CRTAC1: variants seen among roughly 807,000 people sequenced by gnomAD.
CRTAC1 encodes the protein cartilage acidic protein 1.
A neutral mutation model predicts 67.8 loss-of-function variants in CRTAC1; 37 were observed. The observed-to-expected ratio is 0.55, with a 90% confidence interval of 0.42 to 0.72. The LOEUF is 0.72. Ranked by LOEUF, CRTAC1 falls within the 30% of genes least tolerant of loss-of-function variation. CRTAC1 has a pLI of 0.00. For missense variants in CRTAC1, 780 were observed against 931.6 expected, an observed-to-expected ratio of 0.84 and a Z score of 2.12; for synonymous variants, 348 against 371.0, an observed-to-expected ratio of 0.94 and a Z score of 0.71.
At chr10:97,888,219 C>T (rs1173409486) in intron 11 of CRTAC1, among the ~76,000 whole-genome samples, 1 of 152,090 alleles carries the variant, frequency 6.6e-6, no homozygotes. Flanking sequence ...CCCATGGGAG[C>T]GATGAATACA....
intron 5 of CRTAC1, among the ~76,000 whole-genome samples, chr10:97,911,068 T>G (rs899998281): frequency 6.6e-6 from 1 of 152,212 alleles, no homozygotes; most frequent in African/African-American, 2.4e-5. Flanking sequence ...GGGCACCACC[T>G]CTGCCCATTA....
At chr10:97,914,460 C>T (rs2050731170) in intron 5 of CRTAC1, among the ~76,000 whole-genome samples, 1 of 152,226 alleles carries the variant, frequency 6.6e-6, no homozygotes, top group African/African-American at 2.4e-5. Flanking sequence ...GTTCTCACAA[C>T]ACTCTCATTT....
intron 2 of CRTAC1, among the ~76,000 whole-genome samples, chr10:97,942,336 A>G (rs917364855): frequency 6.6e-6 from 1 of 152,194 alleles, no homozygotes; most frequent in Non-Finnish European, 1.5e-5. Context: ...AGGTACAAAG[A>G]GCTGAACAAA....
chr10:97,962,961 A>C (rs577306526), intron 2 of CRTAC1, among the ~76,000 whole-genome samples: 1 of 152,260 alleles, frequency 6.6e-6, no homozygotes, highest in South Asian at 2.1e-4. Flanking sequence ...CTGCACTGAG[A>C]AACCCAGTCC....
At chr10:97,997,268 T>C (rs1053163900) in intron 2 of CRTAC1, among the ~76,000 whole-genome samples, 1 of 128,600 alleles carries the variant, frequency 7.8e-6, no homozygotes, top group Non-Finnish European at 1.7e-5. Context: ...ATAATAATAA[T>C]AAATAAAATA....
chr10:97,927,513 A>C (rs2050939172), intron 3 of CRTAC1, among the ~76,000 whole-genome samples: 1 of 152,182 alleles, frequency 6.6e-6, no homozygotes, highest in Admixed American at 6.5e-5. Flanking sequence ...TGCCATCCTA[A>C]GCTGCTGATG....
intron 3 of CRTAC1, among the ~76,000 whole-genome samples, chr10:97,928,874 T>C (rs1409559042): frequency 6.6e-6 from 1 of 152,052 alleles, no homozygotes; most frequent in African/African-American, 2.4e-5. Context: ...ATTCCAGGAC[T>C]GAGGGCAAAG....
chr10:97,956,488 T>C (rs959026307), intron 2 of CRTAC1, among the ~76,000 whole-genome samples: 3 of 152,240 alleles, frequency 2.0e-5, no homozygotes, highest in Non-Finnish European at 4.4e-5. Flanking sequence ...CACTGCCTGC[T>C]GTTGGGCATC....
At chr10:97,893,130 T>A (rs899726495) in intron 11 of CRTAC1, among the ~76,000 whole-genome samples, 35 of 152,326 alleles carry the variant, frequency 2.3e-4, no homozygotes, top group African/African-American at 8.4e-4. Context: ...AAGGTAGTCA[T>A]GAGGATTAAA....
chr10:97,898,871 C>A (rs1045455088), intron 8 of CRTAC1, among the ~76,000 whole-genome samples: 4 of 152,124 alleles, frequency 2.6e-5, no homozygotes, highest in African/African-American at 9.7e-5. Context: ...GCCTTTTTGC[C>A]TCTGTGATTC....
At chr10:97,998,458 C>T (rs1377838660) in intron 2 of CRTAC1, among the ~76,000 whole-genome samples, 2 of 151,856 alleles carry the variant, frequency 1.3e-5, no homozygotes, top group Non-Finnish European at 2.9e-5. Context: ...AAAGGAATGG[C>T]GTTAGTAATA....
At chr10:97,948,383 G>A (rs910634230) in intron 2 of CRTAC1, among the ~76,000 whole-genome samples, 1 of 152,194 alleles carries the variant, frequency 6.6e-6, no homozygotes, top group African/African-American at 2.4e-5. Context: ...GCTAGACTGA[G>A]GAGGGTGCAT....
rs532389847 is a variant in CRTAC1 at position 97,867,877 on chromosome 10, A to G, written c.1820-2163T>C. 461 of 152,340 alleles carry G rather than the reference A, an allele frequency of 3.0e-3. 1 individual carries two copies. Among genetic ancestry groups the G allele is most frequent in the Non-Finnish European group, 5.0e-3 (339 of 68,082 alleles). 9.4% of individuals were successfully genotyped at this position (152,340 alleles called of 1,614,324 possible). A position where few individuals can be genotyped will look rare whatever the true frequency, so the allele number is the denominator to read the frequency against. On this transcript the variant is annotated intron_variant, in intron 14 of 14. Transcript: ENST00000370597. ...AGCAGGATGAACTCTGTCTTCTTGGAGCTTGCAGTCTACTGAAGAGGCAGA... is the reference window on the plus strand; with the variant it reads ...AGCAGGATGAACTCTGTCTTCTTGGGGCTTGCAGTCTACTGAAGAGGCAGA...
At chr10:97,940,595 C>A (rs1349281994) in intron 2 of CRTAC1, among the ~76,000 whole-genome samples, 2 of 152,198 alleles carry the variant, frequency 1.3e-5, no homozygotes, top group Non-Finnish European at 2.9e-5. Flanking sequence ...CATTTTGGTG[C>A]CAGTTCACTG....
intron 1 of CRTAC1, among the ~76,000 whole-genome samples, chr10:98,025,416 C>T (rs1843209660): frequency 6.6e-6 from 1 of 152,142 alleles, no homozygotes; most frequent in South Asian, 2.1e-4. Context: ...AAAATAACCC[C>T]TCTAGTCACC....
intron 14 of CRTAC1, chr10:97,870,184 G>A (rs1210682987): frequency 6.6e-6 from 1 of 152,184 alleles, no homozygotes; most frequent in African/African-American, 2.4e-5. Context: ...GGGACAGCTT[G>A]GGCATCAGGA....
chr10:97,962,760 C>G (rs1029842285), intron 2 of CRTAC1, among the ~76,000 whole-genome samples: 1 of 151,416 alleles, frequency 6.6e-6, no homozygotes, highest in African/African-American at 2.4e-5. Flanking sequence ...TCTGCTCTCT[C>G]TGTCACCGCG....
Position 98,029,540 on chromosome 10 carries a change from A to G in CRTAC1, c.24+909T>C, listed in dbSNP as rs1843320170. 8.0e-6 allele frequency among the ~76,000 whole-genome samples: 1 copy of G among 124,422 alleles called. No homozygotes were observed. The highest frequency in any genetic ancestry group is 1.9e-5 in the Non-Finnish European group (1 of 53,296). The allele number at this position is 124,422 out of a possible 152,430, so 81.6% of individuals were successfully genotyped here. A position where few individuals can be genotyped will look rare whatever the true frequency, so the allele number is the denominator to read the frequency against. On this transcript the variant is annotated intron_variant, in intron 1 of 14. Transcript: ENST00000370597. This position sits in a 1 kb window ranked among gnomAD's most constrained non-coding sequence, Gnocchi z 4.7. ...GGCGGCGGCGGCGGCAGCAGCAGCA[A>G]TATTCATTAGTCATTCCTGGAGGAA...
At chr10:97,907,936 G>C (rs2050635712) in intron 6 of CRTAC1, 77 bp downstream of exon 6, 1 of 1,516,606 alleles carries the variant, frequency 6.6e-7, no homozygotes, top group Non-Finnish European at 9.1e-7. Context: ...ATCCTGGAGG[G>C]GGCAGGGCAG....
Sources: allele counts gnomAD v4.1 joint callset (sites outside exome capture counted in the v4.1 genomes callset), GRCh38; gene constraint gnomAD v4.1.1; non-coding constraint Gnocchi (gnomAD v3.1); transcripts MANE v1.5; gene names NCBI Gene and HGNC (gene_info 2026-07-23, HGNC 2026-07-21).